The following YTHDF2 variants were observed in gnomAD, a reference collection of about 807,000 sequenced individuals.
YTHDF2 encodes the protein YTH N6-methyladenosine RNA binding protein F2.
In YTHDF2, 2 loss-of-function variants were observed where a neutral mutation model predicts 50.4. The observed-to-expected ratio is 0.04, with a 90% CI of 0.02 to 0.12. YTHDF2 has a LOEUF of 0.12. Ranked by LOEUF, YTHDF2 falls within the 10% of genes least tolerant of loss-of-function variation. The pLI, the probability that YTHDF2 is intolerant of heterozygous loss-of-function variation, is 1.00. For missense variants in YTHDF2, 483 were observed against 722.6 expected (o/e 0.67, Z 3.80); for synonymous variants, 217 against 255.6 (o/e 0.85, Z 1.44).
chr1:28,752,462 A>G (rs573199998), intron 4 of YTHDF2, among the ~76,000 whole-genome samples: 4 of 152,100 alleles, frequency 2.6e-5, no homozygotes, highest in Admixed American at 2.0e-4. Flanking sequence ...CTCCCGGCTA[A>G]TTTTTGTATT....
chr1:28,762,982 A>G (rs1388810248), intron 4 of YTHDF2, among the ~76,000 whole-genome samples: 2 of 152,012 alleles, frequency 1.3e-5, no homozygotes, highest in African/African-American at 4.8e-5. Context: ...ATGTGCCACC[A>G]CGCTTGGCTA....
At chr1:28,737,733 G>A (rs751506232) in intron 2 of YTHDF2, 51 bp downstream of exon 2, 2 of 1,603,768 alleles carry the variant, frequency 1.2e-6, no homozygotes, top group South Asian at 2.2e-5. Flanking sequence ...ACGCGGGGCG[G>A]TGGGGGCGGG....
At chr1:28,738,685 CG>C (rs1250209958) in intron 3 of YTHDF2, among the ~76,000 whole-genome samples, 2 of 152,178 alleles carry the variant, frequency 1.3e-5, no homozygotes, top group African/African-American at 4.8e-5. Context: ...GTGATTCACC[CG>C]CCTTGGCCTC....
At chr1:28,737,264 C>A in intron 1 of YTHDF2, 117 bp downstream of exon 1, 1 of 1,379,596 alleles carries the variant, frequency 7.2e-7, no homozygotes. Context: ...CTCTTGCGGG[C>A]CAGGTTTCGG....
At chr1:28,751,866 T>G (rs1358365579) in intron 4 of YTHDF2, among the ~76,000 whole-genome samples, 1 of 152,314 alleles carries the variant, frequency 6.6e-6, no homozygotes, top group African/African-American at 2.4e-5. Context: ...AAATTAAGAA[T>G]TCATGGAGGC....
At chr1:28,744,956 C>T (rs542785038) in intron 4 of YTHDF2, among the ~76,000 whole-genome samples, 1 of 152,318 alleles carries the variant, frequency 6.6e-6, no homozygotes, top group African/African-American at 2.4e-5. Flanking sequence ...TGAGCCACTG[C>T]AGCTGGCCTA....
intron 3 of YTHDF2, chr1:28,739,054 T>G (rs942937152): frequency 2.6e-5 from 4 of 152,164 alleles, no homozygotes; most frequent in Non-Finnish European, 2.9e-5. Context: ...GAACTTTGGA[T>G]TCATATGATA....
At position 28,743,325 on chromosome 1, in the gene YTHDF2, T is replaced by C; in HGVS notation, c.1055T>C (p.Val352Ala). The change falls in exon 4 of 5, where the codon GTA (valine) becomes GCA (alanine). Residue 352 changes from valine to alanine, a missense_variant. Coordinates refer to ENST00000373812, the MANE Select transcript of YTHDF2 (RefSeq NM_016258.3). This position sits in a 1 kb window ranked among gnomAD's most constrained non-coding sequence, Gnocchi z 6.9. ...CAGGCAGCTCAGCCAACCCGCTGGGTAGCACCTCGGAACCGTGGCAGTGGG... is the reference window on the plus strand; with the variant it reads ...CAGGCAGCTCAGCCAACCCGCTGGGCAGCACCTCGGAACCGTGGCAGTGGG... ...QQQAAQPTRW[V>A]APRNRGSGFG... 2 of 1,614,104 alleles carry C rather than the reference T, an allele frequency of 1.2e-6. No homozygotes were observed. Among genetic ancestry groups the C allele is most frequent in the Non-Finnish European group, 1.7e-6 (2 of 1,180,026 alleles).
intron 4 of YTHDF2, among the ~76,000 whole-genome samples, chr1:28,751,090 C>CA (rs56916547): frequency 0.015 from 501 of 33,680 alleles, 31 homozygotes; most frequent in East Asian, 0.032. Context: ...GAGACTGTCT[C>CA]AAAAAAAAAA....
At position 28,743,619 on chromosome 1, in the gene YTHDF2, A is replaced by C; in HGVS notation, c.1349A>C (p.Asn450Thr). The change falls in exon 4 of 5, where the codon AAC (asparagine) becomes ACC (threonine). Residue 450 changes from asparagine to threonine, a missense_variant. Transcript: ENST00000373812. The surrounding 1 kb of genome is among the most constrained non-coding windows in gnomAD (Gnocchi z 6.9). Reference sequence around the variant, plus strand: ...CTGGATGCTGCTTATCGTTCCATGAACGGGAAAGGCCCCGTTTACTTACTT... The same window carrying C: ...CTGGATGCTGCTTATCGTTCCATGACCGGGAAAGGCCCCGTTTACTTACTT... ...KRLDAAYRSM[N>T]GKGPVYLLFS... 6.2e-7 allele frequency: 1 copy of C among 1,614,168 alleles called. No individual in the cohort carries two copies. Among genetic ancestry groups the C allele is most frequent in the African/African-American group, 1.3e-5 (1 of 75,050 alleles).
intron 4 of YTHDF2, among the ~76,000 whole-genome samples, chr1:28,744,828 C>T (rs1363949210): frequency 6.6e-6 from 1 of 151,926 alleles, no homozygotes; most frequent in Non-Finnish European, 1.5e-5. Context: ...ACCACCATGC[C>T]CGGCTAGTTT....
At chr1:28,749,973 G>GA (rs1157712790) in intron 4 of YTHDF2, among the ~76,000 whole-genome samples, 190 of 124,272 alleles carry the variant, frequency 1.5e-3, no homozygotes, top group African/African-American at 4.2e-3. Context: ...TGAAATTTTT[G>GA]AAAAAAAAGG....
chr1:28,741,730 T>C (rs1278306351), intron 3 of YTHDF2, among the ~76,000 whole-genome samples: 3 of 152,232 alleles, frequency 2.0e-5, no homozygotes, highest in Non-Finnish European at 2.9e-5. Flanking sequence ...ACCTTGCTTT[T>C]TGGTTTATGA....
chr1:28,755,999 A>G (rs560145327), intron 4 of YTHDF2, among the ~76,000 whole-genome samples: 1 of 152,338 alleles, frequency 6.6e-6, no homozygotes, highest in East Asian at 1.9e-4. Flanking sequence ...AGATGACTGC[A>G]GATGCCAGTG....
At chr1:28,737,276 C>A in intron 1 of YTHDF2, 129 bp downstream of exon 1, 2 of 1,260,582 alleles carry the variant, frequency 1.6e-6, no homozygotes, top group Non-Finnish European at 1.1e-6. Context: ...AGGTTTCGGG[C>A]CTCTCAGGCC....
At chr1:28,765,512 A>G (rs1208820323) in intron 4 of YTHDF2, among the ~76,000 whole-genome samples, 1 of 152,040 alleles carries the variant, frequency 6.6e-6, no homozygotes, top group Non-Finnish European at 1.5e-5. Context: ...TGTAACCTCT[A>G]ACTCCTGGGT....
intron 4 of YTHDF2, among the ~76,000 whole-genome samples, chr1:28,750,979 G>C (rs765130028): frequency 3.0e-4 from 46 of 151,470 alleles, no homozygotes; most frequent in Admixed American, 1.3e-3. Flanking sequence ...TGTAATACCA[G>C]CTAGTTAGGA....
At chr1:28,767,147 T>C (rs1379308231) in intron 4 of YTHDF2, among the ~76,000 whole-genome samples, 3 of 152,042 alleles carry the variant, frequency 2.0e-5, no homozygotes, top group Non-Finnish European at 4.4e-5. Flanking sequence ...CTGGCTGTTT[T>C]GGTATTGTTG....
chr1:28,749,633 G>T (rs1282747314), intron 4 of YTHDF2, among the ~76,000 whole-genome samples: 31 of 152,078 alleles, frequency 2.0e-4, no homozygotes, highest in Admixed American at 2.0e-3. Flanking sequence ...AAAAATGAGG[G>T]AAGTAGTCAA....
Sources: gnomAD v4.1 joint callset for allele counts (sites outside exome capture counted in the v4.1 genomes callset) on GRCh38, gnomAD v4.1.1 for gene constraint, Gnocchi (gnomAD v3.1) non-coding constraint, MANE v1.5 for transcripts, NCBI Gene and HGNC (gene_info 2026-07-23, HGNC 2026-07-21) for gene names.